The following TSHR variants were observed in gnomAD, a reference collection of about 807,000 sequenced individuals.
TSHR encodes thyrotropin receptor.
A neutral mutation model predicts 64.1 loss-of-function variants in TSHR; 51 were observed. The ratio of observed to expected loss-of-function variants is 0.80; its 90% CI spans 0.64 to 1.01. The LOEUF (loss-of-function observed/expected upper bound fraction) is 1.01. TSHR is among the 50% of genes least tolerant of loss of function. The probability of loss-of-function intolerance (pLI) is 0.00; values close to 1 mark genes in which losing one functional copy is unlikely to be tolerated. For synonymous variants in TSHR, 361 were observed against 361.9 expected, an observed-to-expected ratio of 1.00 and a Z score of 0.03; for missense variants, 877 against 942.8, an observed-to-expected ratio of 0.93 and a Z score of 0.91.
chr14:80,986,802 A>G (rs1037370531), intron 1 of TSHR, among the ~76,000 whole-genome samples: 1 of 152,166 alleles, frequency 6.6e-6, no homozygotes, highest in African/African-American at 2.4e-5. Flanking sequence ...CTATCATTCT[A>G]TCACACTATT....
At chr14:81,118,711 C>A (rs1193566656) in intron 8 of TSHR, among the ~76,000 whole-genome samples, 2 of 152,166 alleles carry the variant, frequency 1.3e-5, no homozygotes, top group African/African-American at 4.8e-5. Flanking sequence ...AAAGAGCCCG[C>A]ATCGCCAAGT....
At chr14:81,055,209 G>A (rs948545160) in intron 1 of TSHR, among the ~76,000 whole-genome samples, 12 of 152,166 alleles carry the variant, frequency 7.9e-5, no homozygotes, top group African/African-American at 2.9e-4. Flanking sequence ...CTTCCACATG[G>A]TATAGAGCCT....
At chr14:80,983,379 C>A in intron 1 of TSHR, 2 of 1,104,198 alleles carry the variant, frequency 1.8e-6, no homozygotes, top group Non-Finnish European at 2.6e-6. Flanking sequence ...CAAAACCAGA[C>A]ATCTTGTTTT....
chr14:81,035,939 A>T (rs899803881), intron 1 of TSHR, among the ~76,000 whole-genome samples: 1 of 152,182 alleles, frequency 6.6e-6, no homozygotes, highest in Admixed American at 6.5e-5. Context: ...TAACCAATAA[A>T]ATGAAGAAAT....
chr14:81,131,436 GC>G (rs1891243794), intron 8 of TSHR, among the ~76,000 whole-genome samples: 1 of 152,164 alleles, frequency 6.6e-6, no homozygotes, highest in African/African-American at 2.4e-5. Flanking sequence ...TTCCTCTGCA[GC>G]CTTTTGATCT....
At position 80,955,982 on chromosome 14, in the gene TSHR, CTGTGTGTGTAGA is replaced by C. The variant is rs1886656060; in HGVS notation, c.170+142_170+153del. 3.6e-6 allele frequency: 4 copies of C among 1,115,146 alleles called. No homozygotes were observed. In the East Asian group the frequency reaches 7.5e-5, roughly 21 times the overall value. 69.1% of individuals were successfully genotyped at this position (1,115,146 alleles called of 1,614,324 possible). A position where few individuals can be genotyped will look rare whatever the true frequency, so the allele number is the denominator to read the frequency against. ...AGTGTGTGTATGTGTGAGTGAATGT[CTGTGTGTGTAGA>C]TGTGTGTGTGTGCTAAAAACTTAAT... On this transcript the variant is annotated intron_variant, in intron 1 of 9. Transcript: ENST00000298171.
rs1287807116 is a variant in TSHR at position 80,959,722 on chromosome 14, G to A, written c.170+3872G>A. 2.0e-5 allele frequency among the ~76,000 whole-genome samples: 3 copies of A among 152,300 alleles called. No individual in the cohort carries two copies. The East Asian group carries it at 5.8e-4, about 29-fold the overall frequency. ...TGCCTTCAGATATGTTTCTGAAGGA[G>A]CTGTTGTTTTCAGGTTCTGTTTTTA... On this transcript the variant is annotated intron_variant, in intron 1 of 9. Transcript: ENST00000298171.
intron 1 of TSHR, among the ~76,000 whole-genome samples, chr14:81,037,448 A>AAAAAAAAAAAAAAAAAAAAAAAAAC (rs1273226258): frequency 3.9e-5 from 5 of 128,452 alleles, no homozygotes; most frequent in Non-Finnish European, 9.2e-5. Context: ...AACAAACAAA[A>AAAAAAAAAAAAAAAAAAAAAAAAAC]AACAGAAAAT....
chr14:81,044,657 C>CAAAA (rs147382752), intron 1 of TSHR, among the ~76,000 whole-genome samples: 15 of 113,510 alleles, frequency 1.3e-4, no homozygotes, highest in African/African-American at 3.4e-4. Flanking sequence ...GACTCTGTCT[C>CAAAA]AAAAAAAAAA....
At chr14:81,095,824 G>A (rs560782816) in intron 6 of TSHR, among the ~76,000 whole-genome samples, 10 of 151,988 alleles carry the variant, frequency 6.6e-5, no homozygotes, top group South Asian at 2.1e-4. Context: ...TGAGGCAGGC[G>A]GATCACTTGA....
intron 3 of TSHR, among the ~76,000 whole-genome samples, chr14:81,084,843 G>T (rs112364833): frequency 6.6e-6 from 1 of 152,138 alleles, no homozygotes; most frequent in Non-Finnish European, 1.5e-5. Flanking sequence ...AAATTTGAAC[G>T]CCTCTTTCAC....
chr14:81,098,700 G>A (rs903383661), intron 7 of TSHR, among the ~76,000 whole-genome samples: 1 of 152,098 alleles, frequency 6.6e-6, no homozygotes, highest in African/African-American at 2.4e-5. Context: ...CATTAGCAGG[G>A]GCAGGGATAG....
chr14:81,136,392 G>T (rs761121124), intron 8 of TSHR, among the ~76,000 whole-genome samples: 1 of 152,040 alleles, frequency 6.6e-6, no homozygotes, highest in Non-Finnish European at 1.5e-5. Flanking sequence ...AAATGTGGAT[G>T]GGACAATGGT....
At chr14:80,970,000 G>A (rs942427291) in intron 1 of TSHR, among the ~76,000 whole-genome samples, 1 of 152,200 alleles carries the variant, frequency 6.6e-6, no homozygotes, top group Non-Finnish European at 1.5e-5. Context: ...TTGCTATAAT[G>A]CTCACAGATG....
At chr14:81,016,454 A>C (rs79174378) in intron 1 of TSHR, among the ~76,000 whole-genome samples, 1,807 of 148,554 alleles carry the variant, frequency 0.012, 20 homozygotes, top group African/African-American at 0.017. Flanking sequence ...AGGTCCTTTG[A>C]CCATTTTTAA....
intron 7 of TSHR, among the ~76,000 whole-genome samples, chr14:81,106,644 T>C (rs543734586): frequency 6.6e-6 from 1 of 152,228 alleles, no homozygotes; most frequent in East Asian, 1.9e-4. Context: ...GTTCTCAATC[T>C]CTATTTAAGA....
intron 1 of TSHR, among the ~76,000 whole-genome samples, chr14:81,048,333 T>C (rs1294919879): frequency 1.3e-5 from 2 of 152,102 alleles, no homozygotes; most frequent in Non-Finnish European, 2.9e-5. Context: ...AAAAAAAACA[T>C]TGATTCCTGG....
intron 1 of TSHR, among the ~76,000 whole-genome samples, chr14:81,036,540 G>T (rs576245999): frequency 1.4e-4 from 21 of 152,240 alleles, no homozygotes; most frequent in African/African-American, 4.3e-4. Context: ...GTGTTTCTAG[G>T]CAAGAGAAAG....
chr14:80,988,897 AT>A (rs752094107), intron 1 of TSHR, among the ~76,000 whole-genome samples: 1 of 151,902 alleles, frequency 6.6e-6, no homozygotes, highest in Non-Finnish European at 1.5e-5. Flanking sequence ...TTCTGTCTAT[AT>A]TTTCTTTCTT....
Sources: allele counts gnomAD v4.1 joint callset (sites outside exome capture counted in the v4.1 genomes callset), GRCh38; gene constraint gnomAD v4.1.1; transcripts MANE v1.5; gene names NCBI Gene and HGNC (gene_info 2026-07-23, HGNC 2026-07-21).